The following DEPDC1B variants were observed in gnomAD, a reference collection of about 807,000 sequenced individuals.
DEPDC1B encodes DEP domain containing 1B, also known as DEP domain-containing protein 1B.
DEPDC1B carries 51 observed loss-of-function variants against 66.5 expected under a neutral mutation model. The observed-to-expected ratio is 0.77, with a 90% CI of 0.61 to 0.97. The LOEUF is 0.97. DEPDC1B is among the 50% of genes least tolerant of loss of function. DEPDC1B has a pLI of 0.00. For synonymous variants in DEPDC1B, 226 were observed against 223.6 expected (o/e 1.01, Z -0.10); for missense variants, 552 against 637.1 (o/e 0.87, Z 1.44).
intron 7 of DEPDC1B, among the ~76,000 whole-genome samples, chr5:60,634,094 G>A (rs927829660): frequency 5.3e-5 from 8 of 152,124 alleles, no homozygotes; most frequent in Non-Finnish European, 7.4e-5. Flanking sequence ...ATTATGGGAC[G>A]CTAAACTTTA....
intron 1 of DEPDC1B, among the ~76,000 whole-genome samples, chr5:60,697,872 A>G (rs1433276669): frequency 6.6e-6 from 1 of 152,172 alleles, no homozygotes; most frequent in Non-Finnish European, 1.5e-5. Context: ...GAGAGCAGAG[A>G]GCACCTTTTT....
intron 7 of DEPDC1B, among the ~76,000 whole-genome samples, chr5:60,616,260 T>G (rs1262685090): frequency 6.6e-6 from 1 of 152,104 alleles, no homozygotes; most frequent in Non-Finnish European, 1.5e-5. Flanking sequence ...GGAACGCAGC[T>G]CCTCAGCAGC....
At chr5:60,619,058 T>C (rs966186974) in intron 7 of DEPDC1B, among the ~76,000 whole-genome samples, 12 of 152,196 alleles carry the variant, frequency 7.9e-5, no homozygotes, top group African/African-American at 2.9e-4. Flanking sequence ...TCTCAATACA[T>C]GCAGAAAAGG....
chr5:60,609,614 G>A (rs548081859), intron 7 of DEPDC1B, among the ~76,000 whole-genome samples: 42 of 152,244 alleles, frequency 2.8e-4, no homozygotes, highest in Middle Eastern at 6.8e-3. Context: ...TTACCAGACT[G>A]GGGAGAAAAC....
chr5:60,659,222 T>C (rs961976187), intron 2 of DEPDC1B, among the ~76,000 whole-genome samples: 4 of 152,050 alleles, frequency 2.6e-5, no homozygotes, highest in African/African-American at 7.2e-5. Context: ...ACCCCCATCT[T>C]GAGAGCGGCC....
At chr5:60,670,235 T>C (rs1191555292) in intron 2 of DEPDC1B, among the ~76,000 whole-genome samples, 1 of 152,032 alleles carries the variant, frequency 6.6e-6, no homozygotes, top group African/African-American at 2.4e-5. Context: ...ATACAAAAAA[T>C]TAGCCGGGCG....
chr5:60,687,200 C>T lies in DEPDC1B; in HGVS notation c.76G>A (p.Ala26Thr). ...CGATGTTTCCGTAACGGCATCTTAG[C>T]ACGAAAAAGCTCCACGGTCTCATTC... ...LWNETVELFR[A>T]KMPLRKHRCR... Residue 26 changes from alanine to threonine, a missense_variant, in exon 2 of 11, where the codon GCT (alanine) becomes ACT (threonine). Physicochemically the swap from Ala to Thr is moderately conservative, Grantham distance 58 (BLOSUM62 0). Coordinates refer to ENST00000265036, the MANE Select transcript of DEPDC1B (RefSeq NM_018369.3). 6.2e-7 allele frequency: 1 copy of T among 1,612,178 alleles called. No homozygotes were observed. Among genetic ancestry groups the T allele is most frequent in the Non-Finnish European group, 8.5e-7 (1 of 1,178,414 alleles).
chr5:60,664,327 G>A (rs1398970624), intron 2 of DEPDC1B, among the ~76,000 whole-genome samples: 1 of 152,194 alleles, frequency 6.6e-6, no homozygotes, highest in South Asian at 2.1e-4. Context: ...AGCAGTCTTA[G>A]TATCTAAAGC....
At chr5:60,620,354 C>T (rs1237947876) in intron 7 of DEPDC1B, among the ~76,000 whole-genome samples, 2 of 152,134 alleles carry the variant, frequency 1.3e-5, no homozygotes, top group Non-Finnish European at 2.9e-5. Context: ...GAACAAGCAA[C>T]CTACAGGATG....
rs531598003 is a variant in DEPDC1B at position 60,662,680 on chromosome 5, G to A, written c.315-15147C>T. On this transcript the variant is annotated intron_variant, in intron 2 of 10. Coordinates refer to ENST00000265036, the MANE Select transcript of DEPDC1B (RefSeq NM_018369.3). ...CCGAATAAAAATAAGCTGCCCCCTC[G>A]TCCATGCCCGTGATGTCAAGGGAAT... Among the ~76,000 whole-genome samples, 10 of 152,218 alleles carry A rather than the reference G, an allele frequency of 6.6e-5. No individual in the cohort carries two copies. The South Asian group carries it at 1.9e-3, about 28-fold the overall frequency.
chr5:60,671,824 T>C (rs1007740644), intron 2 of DEPDC1B, among the ~76,000 whole-genome samples: 2 of 152,220 alleles, frequency 1.3e-5, no homozygotes, highest in African/African-American at 4.8e-5. Context: ...TTCAGATCAG[T>C]GCAAACAATG....
In DEPDC1B at chr5:60,653,092, G is replaced by A. The variant is rs144297098; in HGVS notation, c.315-5559C>T. ...ACATGTGTGTGCAAGTGTCTTTTTC[G>A]TATAATGACTTCCTTTCCTCTGGGT... is the stretch of plus-strand genomic sequence containing the variant. On this transcript the variant is annotated intron_variant, in intron 2 of 10. Coordinates refer to ENST00000265036, the MANE Select transcript of DEPDC1B (RefSeq NM_018369.3). Among the ~76,000 whole-genome samples the A allele has an allele frequency of 7.6e-3, 1,132 of 149,172 alleles. 140 individuals are homozygous for A. The highest frequency in any genetic ancestry group is 0.027 in the African/African-American group (1,079 of 39,650).
At chr5:60,694,821 T>C (rs536956210) in intron 1 of DEPDC1B, among the ~76,000 whole-genome samples, 7 of 152,352 alleles carry the variant, frequency 4.6e-5, no homozygotes, top group African/African-American at 1.4e-4. Context: ...ACATATAGTA[T>C]ACCCATTTAA....
chr5:60,641,652 C>T (rs1005285483), intron 6 of DEPDC1B, among the ~76,000 whole-genome samples: 22 of 152,042 alleles, frequency 1.4e-4, no homozygotes, highest in Non-Finnish European at 2.9e-4. Flanking sequence ...CCTTGATTTG[C>T]CAGTTCAGAA....
intron 5 of DEPDC1B, among the ~76,000 whole-genome samples, chr5:60,644,176 C>G (rs1753256536): frequency 6.6e-6 from 1 of 152,138 alleles, no homozygotes; most frequent in Non-Finnish European, 1.5e-5. Context: ...AGTACCCTAA[C>G]CACATTTTTA....
intron 7 of DEPDC1B, among the ~76,000 whole-genome samples, chr5:60,622,581 T>A (rs1471152396): frequency 6.6e-6 from 1 of 152,236 alleles, no homozygotes; most frequent in Non-Finnish European, 1.5e-5. Flanking sequence ...AATTAAGGTA[T>A]GTGTATGTTT....
intron 2 of DEPDC1B, among the ~76,000 whole-genome samples, chr5:60,667,280 A>C (rs116190557): frequency 6.6e-6 from 1 of 151,988 alleles, no homozygotes; most frequent in African/African-American, 2.4e-5. Flanking sequence ...GTTCATCAAG[A>C]TACCATAAAG....
intron 5 of DEPDC1B, among the ~76,000 whole-genome samples, chr5:60,643,585 G>C (rs1753240311): frequency 6.6e-6 from 1 of 152,198 alleles, no homozygotes; most frequent in South Asian, 2.1e-4. Flanking sequence ...CTGGAGTCTT[G>C]TAAAATGCTC....
intron 2 of DEPDC1B, among the ~76,000 whole-genome samples, chr5:60,671,693 C>T (rs894096605): frequency 7.9e-5 from 12 of 152,164 alleles, no homozygotes; most frequent in African/African-American, 2.9e-4. Context: ...TGGTGCCCCA[C>T]CCCAACCCCT....
Sources: gnomAD v4.1 joint callset for allele counts (sites outside exome capture counted in the v4.1 genomes callset) on GRCh38, gnomAD v4.1.1 for gene constraint, MANE v1.5 for transcripts, NCBI Gene and HGNC (gene_info 2026-07-23, HGNC 2026-07-21) for gene names.